The following NBEA variants were observed in gnomAD, a reference collection of about 807,000 sequenced individuals.
The protein encoded by NBEA is lysosomal-trafficking regulator 2.
NBEA carries 44 observed loss-of-function variants against 343.4 expected under a neutral mutation model. That is an observed-to-expected ratio of 0.13 (90% CI 0.10 to 0.16). The LOEUF (loss-of-function observed/expected upper bound fraction) is 0.16, where lower values mean the gene tolerates loss of function less well. NBEA is among the 10% of genes least tolerant of loss of function. The pLI, the probability that NBEA is intolerant of heterozygous loss-of-function variation, is 1.00. For synonymous variants in NBEA, 1,175 were observed against 1,238.7 expected (o/e 0.95, Z 1.08); for missense variants, 2,555 against 3,631.3 (o/e 0.70, Z 7.62).
At chr13:35,226,903 G>A (rs1015454823) in intron 33 of NBEA, among the ~76,000 whole-genome samples, 1 of 151,698 alleles carries the variant, frequency 6.6e-6, no homozygotes, top group African/African-American at 2.4e-5. Flanking sequence ...GCTCACGTAG[G>A]CATTACACAT....
chr13:35,391,847 T>A (rs2042514473), intron 38 of NBEA, among the ~76,000 whole-genome samples: 1 of 152,168 alleles, frequency 6.6e-6, no homozygotes, highest in Non-Finnish European at 1.5e-5. Flanking sequence ...AAGTTATTTC[T>A]TACTAACTTT....
chr13:35,035,340 T>A (rs1392089746), intron 1 of NBEA, among the ~76,000 whole-genome samples: 1 of 151,754 alleles, frequency 6.6e-6, no homozygotes, highest in African/African-American at 2.4e-5. Flanking sequence ...TTTCTCTTGA[T>A]GTTTCTAGTT....
At chr13:35,563,754 A>C (rs1435996719) in intron 44 of NBEA, among the ~76,000 whole-genome samples, 1 of 152,014 alleles carries the variant, frequency 6.6e-6, no homozygotes, top group Non-Finnish European at 1.5e-5. Flanking sequence ...TTACAAAAAA[A>C]AATGCAGGAC....
intron 1 of NBEA, among the ~76,000 whole-genome samples, chr13:34,952,851 G>A (rs1462899044): frequency 6.6e-6 from 1 of 152,086 alleles, no homozygotes; most frequent in Non-Finnish European, 1.5e-5. Flanking sequence ...CATTTGGGAA[G>A]GGAATTGGCA....
At chr13:35,610,130 A>G (rs399518) in intron 48 of NBEA, among the ~76,000 whole-genome samples, 148,518 of 152,354 alleles carry the variant, frequency 0.97, 72,485 homozygotes, top group Non-Finnish European at 1. Context: ...CATAGCTCAC[A>G]CTGTCTTCTT....
chr13:35,106,173 C>T (rs2065908649), intron 11 of NBEA, among the ~76,000 whole-genome samples: 1 of 151,982 alleles, frequency 6.6e-6, no homozygotes, highest in South Asian at 2.1e-4. Flanking sequence ...CCAGAGCTTA[C>T]ATTTTCTGTA....
chr13:35,548,072 A>G (rs1389997546), intron 41 of NBEA, among the ~76,000 whole-genome samples: 2 of 152,166 alleles, frequency 1.3e-5, no homozygotes, highest in East Asian at 3.9e-4. Flanking sequence ...TGAGAACACC[A>G]GAACAGAGAA....
At chr13:35,004,752 A>G (rs912256697) in intron 1 of NBEA, among the ~76,000 whole-genome samples, 1 of 152,232 alleles carries the variant, frequency 6.6e-6, no homozygotes, top group Non-Finnish European at 1.5e-5. Flanking sequence ...ATGAAGATGA[A>G]GGTGCTATCT....
At chr13:35,144,262 A>G (rs2068275489) in intron 18 of NBEA, among the ~76,000 whole-genome samples, 1 of 152,114 alleles carries the variant, frequency 6.6e-6, no homozygotes, top group South Asian at 2.1e-4. Flanking sequence ...TAACCAAGGG[A>G]TGGATGGAAT....
At chr13:35,069,438 G>A (rs182641273) in intron 8 of NBEA, among the ~76,000 whole-genome samples, 1 of 152,018 alleles carries the variant, frequency 6.6e-6, no homozygotes, top group Admixed American at 6.6e-5. Context: ...TATTTCATAG[G>A]TTGATTTGCT....
intron 38 of NBEA, among the ~76,000 whole-genome samples, chr13:35,423,883 T>A (rs1389834359): frequency 3.9e-5 from 6 of 152,206 alleles, no homozygotes; most frequent in Admixed American, 2.6e-4. Flanking sequence ...GTAAGTTGGA[T>A]TCCTAGGTAT....
At chr13:34,991,366 C>T (rs1338907762) in intron 1 of NBEA, among the ~76,000 whole-genome samples, 1 of 152,150 alleles carries the variant, frequency 6.6e-6, no homozygotes, top group Admixed American at 6.5e-5. Context: ...GGAAGCATGG[C>T]TGGAGAGGCC....
At chr13:35,397,684 G>A (rs2152904302) in intron 38 of NBEA, among the ~76,000 whole-genome samples, 1 of 152,252 alleles carries the variant, frequency 6.6e-6, no homozygotes, top group East Asian at 1.9e-4. Flanking sequence ...AATAAAGCAA[G>A]TCACATGAAT....
At chr13:35,218,677 T>C (rs1279047148) in intron 33 of NBEA, among the ~76,000 whole-genome samples, 1 of 151,944 alleles carries the variant, frequency 6.6e-6, no homozygotes, top group Admixed American at 6.6e-5. Flanking sequence ...ACATCTCTTA[T>C]ATTTGTAATT....
intron 36 of NBEA, among the ~76,000 whole-genome samples, chr13:35,317,829 T>C (rs897797504): frequency 6.6e-6 from 1 of 152,178 alleles, no homozygotes; most frequent in Non-Finnish European, 1.5e-5. Context: ...ACATCCCTTG[T>C]GAGTTGTATT....
chr13:35,263,816 T>C (rs2033427607), intron 34 of NBEA, among the ~76,000 whole-genome samples: 1 of 151,426 alleles, frequency 6.6e-6, no homozygotes, highest in African/African-American at 2.4e-5. Context: ...AATGCCTACA[T>C]CAAAAAAGAA....
chr13:35,278,881 A>G (rs1028669933), intron 34 of NBEA, among the ~76,000 whole-genome samples: 1 of 152,064 alleles, frequency 6.6e-6, no homozygotes, highest in African/African-American at 2.4e-5. Context: ...TGCTACATAC[A>G]ATATGTAAAA....
intron 49 of NBEA, among the ~76,000 whole-genome samples, chr13:35,634,808 A>G (rs977947542): frequency 6.6e-6 from 1 of 152,118 alleles, no homozygotes; most frequent in Non-Finnish European, 1.5e-5. Context: ...TTCTTAGCTT[A>G]TAGTTTCTTT....
At position 35,594,986 on chromosome 13, in the gene NBEA, CACACAA is replaced by C. The variant is rs1338502475; in HGVS notation, c.7296+1541_7296+1546del. 3.0e-3 allele frequency among the ~76,000 whole-genome samples: 444 copies of C among 148,480 alleles called. 2 individuals are homozygous for C. The highest frequency in any genetic ancestry group is 0.01 in the African/African-American group (390 of 38,658). The stretch of plus-strand genomic sequence containing the variant: ...ACACACACACACACACACACACACA[CACACAA>C]ATTGGCTTTTCAACTTAATTCAGAG... On this transcript the variant is annotated intron_variant, in intron 47 of 58. Coordinates refer to ENST00000379939, the MANE Select transcript of NBEA (RefSeq NM_001385012.1).
Sources: gnomAD v4.1 joint callset for allele counts (sites outside exome capture counted in the v4.1 genomes callset) on GRCh38, gnomAD v4.1.1 for gene constraint, MANE v1.5 for transcripts, NCBI Gene and HGNC (gene_info 2026-07-23, HGNC 2026-07-21) for gene names.